Variants in NSG2 observed in about 807,000 individuals in gnomAD.
NSG2 encodes neuronal vesicle trafficking associated 2, also known as neuronal vesicle trafficking-associated protein 2.
NSG2 carries 4 observed loss-of-function variants against 16.9 expected under a neutral mutation model. That is an observed-to-expected ratio of 0.24 (90% confidence interval 0.12 to 0.54). The LOEUF (loss-of-function observed/expected upper bound fraction) is 0.54. NSG2 is among the 20% of genes least tolerant of loss of function. The pLI is 0.95. For missense variants in NSG2, 179 were observed against 221.1 expected, an observed-to-expected ratio of 0.81 and a Z score of 1.21; for synonymous variants, 98 against 88.7, an observed-to-expected ratio of 1.11 and a Z score of -0.59.
chr5:174,075,029 A>G (rs1323533446), intron 3 of NSG2, among the ~76,000 whole-genome samples: 1 of 152,130 alleles, frequency 6.6e-6, no homozygotes, highest in African/African-American at 2.4e-5. Flanking sequence ...AGGTTTCTCA[A>G]ATCCTTGGTT....
intron 3 of NSG2, among the ~76,000 whole-genome samples, chr5:174,075,551 G>C (rs889807477): frequency 7.2e-5 from 11 of 152,076 alleles, no homozygotes; most frequent in Admixed American, 7.2e-4. Context: ...TACACTGTTT[G>C]GCCGAGTCCT....
chr5:174,051,524 C>G (rs1026665440), intron 2 of NSG2, among the ~76,000 whole-genome samples: 5 of 152,186 alleles, frequency 3.3e-5, no homozygotes, highest in Non-Finnish European at 7.3e-5. Context: ...CATTCGTCGT[C>G]CATCTATCCA....
At chr5:174,082,963 AG>A (rs1322591670) in intron 3 of NSG2, among the ~76,000 whole-genome samples, 1 of 152,206 alleles carries the variant, frequency 6.6e-6, no homozygotes, top group Non-Finnish European at 1.5e-5. Flanking sequence ...TAGTGCCCCC[AG>A]TAAACTCTTC....
chr5:174,046,924 C>T (rs1178583646), intron 2 of NSG2, 40 bp downstream of exon 2: 1 of 1,600,410 alleles, frequency 6.2e-7, no homozygotes. Context: ...CCCCAGGCTC[C>T]CCCCATCTCA....
intron 3 of NSG2, among the ~76,000 whole-genome samples, chr5:174,081,952 A>G (rs1760481594): frequency 6.6e-6 from 1 of 152,062 alleles, no homozygotes; most frequent in Admixed American, 6.6e-5. Flanking sequence ...TGTCCTGGAA[A>G]ATTTGACAGT....
At chr5:174,104,172 C>G in intron 3 of NSG2, 56 bp from the exon 4 acceptor site, 1 of 1,255,084 alleles carries the variant, frequency 8.0e-7, no homozygotes. Context: ...AAGCTGCATA[C>G]GGGGACTGAA....
intron 1 of NSG2, 199 bp from the exon 2 acceptor site, chr5:174,046,535 G>T: frequency 3.6e-6 from 2 of 548,868 alleles, no homozygotes; most frequent in Non-Finnish European, 6.4e-6. Flanking sequence ...CCATGGGAAG[G>T]TGGCATATTT....
chr5:174,084,491 C>T (rs1362748897), intron 3 of NSG2, among the ~76,000 whole-genome samples: 1 of 152,248 alleles, frequency 6.6e-6, no homozygotes, highest in Non-Finnish European at 1.5e-5. Flanking sequence ...AGGTGAATGT[C>T]AAACTGGCTT....
chr5:174,047,107 G>A (rs1458433364), intron 2 of NSG2, among the ~76,000 whole-genome samples: 2 of 152,106 alleles, frequency 1.3e-5, no homozygotes, highest in Non-Finnish European at 2.9e-5. Context: ...CTGCATAAAT[G>A]GGCAAGCAAA....
chr5:174,073,387 G>C (rs1561666322), intron 3 of NSG2, among the ~76,000 whole-genome samples: 1 of 152,104 alleles, frequency 6.6e-6, no homozygotes, highest in Non-Finnish European at 1.5e-5. Flanking sequence ...AACATTTTTA[G>C]GCAAGTTATT....
At chr5:174,079,651 C>T (rs891952012) in intron 3 of NSG2, among the ~76,000 whole-genome samples, 3 of 152,196 alleles carry the variant, frequency 2.0e-5, no homozygotes, top group Non-Finnish European at 4.4e-5. Flanking sequence ...TCTTATCTGG[C>T]TGGACCATTT....
chr5:174,053,359 T>C (rs761495181), intron 2 of NSG2, among the ~76,000 whole-genome samples: 1 of 152,114 alleles, frequency 6.6e-6, no homozygotes, highest in African/African-American at 2.4e-5. Flanking sequence ...GACTGCAGAA[T>C]TGGAGCATGC....
In NSG2 at chr5:174,107,209, G is replaced by T. The variant is rs1030890639; in HGVS notation, c.325-105G>T. ...GTCAGGAGCTGTCACCTGCCCTCTG[G>T]CTGACAGCCCGATGCAGCTGCACTC... On this transcript the variant is annotated intron_variant, in intron 4 of 4. Transcript: ENST00000303177. This position sits in a 1 kb window ranked among gnomAD's most constrained non-coding sequence, Gnocchi z 4.5. The T allele has an allele frequency of 1.9e-6, 2 of 1,061,660 alleles. No individual in the cohort carries two copies. Among genetic ancestry groups the T allele is most frequent in the African/African-American group, 1.6e-5 (1 of 62,482 alleles). The allele number at this position is 1,061,660 out of a possible 1,614,324, so 65.8% of individuals were successfully genotyped here. A position where few individuals can be genotyped will look rare whatever the true frequency, so the allele number is the denominator to read the frequency against.
chr5:174,075,929 T>A (rs923551463), intron 3 of NSG2, among the ~76,000 whole-genome samples: 4 of 152,248 alleles, frequency 2.6e-5, no homozygotes, highest in Non-Finnish European at 4.4e-5. Flanking sequence ...AGCTCTGTGA[T>A]CCAAGTAACT....
chr5:174,090,538 G>A (rs1760705521), intron 3 of NSG2, among the ~76,000 whole-genome samples: 1 of 152,198 alleles, frequency 6.6e-6, no homozygotes, highest in East Asian at 1.9e-4. Flanking sequence ...GGGATGGTGG[G>A]AACATTCTTA....
At chr5:174,102,668 C>T (rs1760914818) in intron 3 of NSG2, among the ~76,000 whole-genome samples, 1 of 152,036 alleles carries the variant, frequency 6.6e-6, no homozygotes, top group African/African-American at 2.4e-5. Context: ...TTAAAGGTTG[C>T]TTTCAGATAG....
chr5:174,097,033 A>G (rs535365578), intron 3 of NSG2, among the ~76,000 whole-genome samples: 7 of 152,292 alleles, frequency 4.6e-5, no homozygotes, highest in Admixed American at 4.6e-4. Flanking sequence ...TCTACTTCGT[A>G]TGATTGTGAC....
chr5:174,075,971 A>G (rs913217032), intron 3 of NSG2, among the ~76,000 whole-genome samples: 4 of 152,236 alleles, frequency 2.6e-5, no homozygotes, highest in East Asian at 1.9e-4. Flanking sequence ...AGGGGTTTCA[A>G]CCCTCACTTG....
intron 3 of NSG2, among the ~76,000 whole-genome samples, chr5:174,080,700 T>A (rs943718989): frequency 6.6e-6 from 1 of 152,128 alleles, no homozygotes; most frequent in South Asian, 2.1e-4. Context: ...TAGCTGGGAT[T>A]ACAGGCACGT....
Sources: allele counts gnomAD v4.1 joint callset (sites outside exome capture counted in the v4.1 genomes callset), GRCh38; gene constraint gnomAD v4.1.1; non-coding constraint Gnocchi (gnomAD v3.1); transcripts MANE v1.5; gene names NCBI Gene and HGNC (gene_info 2026-07-23, HGNC 2026-07-21).